PMM1: variants seen among roughly 807,000 people sequenced by gnomAD.
PMM1 encodes the protein brain glucose-1,6-bisphosphatase.
PMM1 carries 25 observed loss-of-function variants against 34.0 expected under a neutral mutation model. The observed-to-expected ratio is 0.73, with a 90% CI of 0.54 to 1.03. PMM1 has a LOEUF of 1.03. Among genes scored for constraint, PMM1 ranks in the 50% least tolerant of loss-of-function variants. The pLI is 0.00. For synonymous variants in PMM1, 134 were observed against 143.9 expected (o/e 0.93, Z 0.49); for missense variants, 321 against 350.1 (o/e 0.92, Z 0.66).
intron 5 of PMM1, among the ~76,000 whole-genome samples, chr22:41,581,249 A>G (rs6002411): frequency 0.1 from 15,666 of 151,688 alleles, 2,137 homozygotes; most frequent in African/African-American, 0.31. Context: ...GCTTGAGCCT[A>G]GGCAGCGAAG....
At position 41,577,799 on chromosome 22, in the gene PMM1, C is replaced by G; in HGVS notation, c.666+9G>C. On this transcript the variant is annotated intron_variant, in intron 7 of 7. Transcript: ENST00000216259. Reference sequence around the variant, plus strand: ...GCGTTAGGGGAAACCTGGGGTGGGCCACACTCACAGGGCTAGTCTCGTTCC... The same window carrying G: ...GCGTTAGGGGAAACCTGGGGTGGGCGACACTCACAGGGCTAGTCTCGTTCC... The G allele has an allele frequency of 6.2e-7, 1 of 1,601,552 alleles. No homozygotes were observed. Among genetic ancestry groups the G allele is most frequent in the Non-Finnish European group, 8.6e-7 (1 of 1,169,162 alleles).
At chr22:41,589,129 A>C in intron 1 of PMM1, 1 of 1,304,052 alleles carries the variant, frequency 7.7e-7, no homozygotes. Flanking sequence ...AGAGCTCATA[A>C]ACGAATTTGA....
rs1022287368 is a variant in PMM1 at position 41,589,666 on chromosome 22, G to A, written c.87+53C>T. ...TGCTGCAGACCCCACACTCAGCCTC[G>A]GGGGTGTCCGCGTGACACTCCCGGT... On this transcript the variant is annotated intron_variant, in intron 1 of 7. Transcript: ENST00000216259. 10 of 1,468,604 alleles carry A rather than the reference G, an allele frequency of 6.8e-6. No homozygotes were observed. The Admixed American group carries it at 1.4e-4, about 21-fold the overall frequency. 91.0% of individuals were successfully genotyped at this position (1,468,604 alleles called of 1,614,324 possible).
At chr22:41,588,800 C>T (rs1050135980) in intron 1 of PMM1, 9 of 985,492 alleles carry the variant, frequency 9.1e-6, no homozygotes, top group Admixed American at 6.1e-5. Context: ...GGGTTCCCAT[C>T]AGCCACTGCC....
chr22:41,586,349 A>G (rs2067307599), intron 1 of PMM1, 156 bp from the exon 2 acceptor site: 1 of 1,398,340 alleles, frequency 7.2e-7, no homozygotes. Context: ...CAGGTTGGAC[A>G]CTGTGGCTCA....
At chr22:41,577,745 C>T in intron 7 of PMM1, 63 bp downstream of exon 7, 1 of 1,267,808 alleles carries the variant, frequency 7.9e-7, no homozygotes, top group Non-Finnish European at 1.1e-6. Flanking sequence ...ATTGGAGAAG[C>T]CACCAGACCT....
chr22:41,589,459 G>A (rs2067354989), intron 1 of PMM1: 2 of 569,436 alleles, frequency 3.5e-6, no homozygotes, highest in East Asian at 3.0e-5. Context: ...GCCCCTGCTC[G>A]CAGCCTCCTC....
chr22:41,584,450 C>T, intron 3 of PMM1, 77 bp downstream of exon 3: 1 of 1,576,214 alleles, frequency 6.3e-7, no homozygotes, highest in Non-Finnish European at 8.7e-7. Context: ...CTCCCCCAGC[C>T]CAGGACAGAA....
intron 6 of PMM1, among the ~76,000 whole-genome samples, chr22:41,578,302 C>T (rs1214429126): frequency 6.6e-6 from 1 of 152,048 alleles, no homozygotes; most frequent in Non-Finnish European, 1.5e-5. Context: ...AGGCCCTGGG[C>T]ATCACATGGA....
At chr22:41,588,658 C>T (rs2067341681) in intron 1 of PMM1, 1 of 985,430 alleles carries the variant, frequency 1.0e-6, no homozygotes, top group Non-Finnish European at 1.2e-6. Flanking sequence ...AAATGGCCCA[C>T]CTTTGCTCCA....
intron 4 of PMM1, 96 bp from the exon 5 acceptor site, chr22:41,584,154 AG>A: frequency 7.7e-7 from 1 of 1,296,416 alleles, no homozygotes; most frequent in Admixed American, 1.7e-5. Flanking sequence ...AGGACTTCAA[AG>A]GGGACAAGAA....
At chr22:41,583,912 T>G (rs376428394) in intron 5 of PMM1, 47 bp downstream of exon 5, 6 of 1,133,316 alleles carry the variant, frequency 5.3e-6, no homozygotes, top group East Asian at 2.3e-5. Context: ...TCAGATAAAT[T>G]GAGTGACTGA....
rs1479458522 is a variant in PMM1 at position 41,589,815 on chromosome 22, T to C, written c.-10A>G. ...GGGCGGTGACTGCCATGGCTGCAGG[T>C]CCGCGCGCGGGGCGGAGTCCCGAAG... On this transcript the variant is annotated 5_prime_UTR_variant, in exon 1 of 8. Transcript: ENST00000216259. 3 of 1,592,904 alleles carry C rather than the reference T, an allele frequency of 1.9e-6. No individual in the cohort carries two copies. The highest frequency in any genetic ancestry group is 3.8e-4 in the Middle Eastern group (2 of 5,316).
intron 2 of PMM1, 86 bp from the exon 3 acceptor site, chr22:41,584,689 T>C (rs1427185230): frequency 1.4e-5 from 13 of 960,204 alleles, no homozygotes; most frequent in Non-Finnish European, 1.9e-5. Context: ...AGAGGAAGCC[T>C]ACACCCTTGG....
rs368899512 is a variant in PMM1 at position 41,584,016 on chromosome 22, C to T, written c.417G>A (p.Ser139=). The change falls in exon 5 of 8, where the codon TCG becomes TCA. Residue 139 remains serine, a synonymous_variant. Coordinates refer to ENST00000216259, the MANE Select transcript of PMM1 (RefSeq NM_002676.3). ...IEFRNGMLNI[S]PIGRSCTLEE... ...CCAGGGTGCAGCTCCGGCCGATGGG[C>T]GAGATGTTCAGCATGCCATTCCGGA... 199 of 1,613,910 alleles carry T rather than the reference C, an allele frequency of 1.2e-4. No homozygotes were observed. The highest frequency in any genetic ancestry group is 2.0e-4 in the Admixed American group (12 of 60,012).
At chr22:41,577,615 T>C in intron 7 of PMM1, 175 bp from the exon 8 acceptor site, 1 of 872,534 alleles carries the variant, frequency 1.1e-6, no homozygotes, top group Non-Finnish European at 1.8e-6. Context: ...GCCCAGCCTC[T>C]TGGGGCCCCA....
Position 41,584,516 on chromosome 22 carries a change from G to A in PMM1, c.282+11C>T. ...TGGGGTGCCCCTGGCTAAGCCCTGG[G>A]GGACACTGACCTGCTTGGAGAGCAG... On this transcript the variant is annotated intron_variant, in intron 3 of 7. Transcript: ENST00000216259. 6.2e-7 allele frequency: 1 copy of A among 1,611,202 alleles called. No individual in the cohort carries two copies. Among genetic ancestry groups the A allele is most frequent in the Non-Finnish European group, 8.5e-7 (1 of 1,177,696 alleles).
intron 1 of PMM1, among the ~76,000 whole-genome samples, chr22:41,588,056 ATTTG>A (rs758851791): frequency 2.0e-5 from 3 of 152,052 alleles, no homozygotes; most frequent in Non-Finnish European, 2.9e-5. Context: ...TTATTCATTT[ATTTG>A]TTTGTTTGAG....
At chr22:41,580,988 G>A (rs1256699382) in intron 5 of PMM1, among the ~76,000 whole-genome samples, 4 of 151,840 alleles carry the variant, frequency 2.6e-5, no homozygotes, top group Non-Finnish European at 2.9e-5. Context: ...GGTGGCAGGC[G>A]CTTGTAGTCC....
Sources: gnomAD v4.1 joint callset for allele counts (sites outside exome capture counted in the v4.1 genomes callset) on GRCh38, gnomAD v4.1.1 for gene constraint, MANE v1.5 for transcripts, NCBI Gene and HGNC (gene_info 2026-07-23, HGNC 2026-07-21) for gene names.